NOL4: variants seen among roughly 807,000 people sequenced by gnomAD.
NOL4 encodes cancer/testis antigen 125.
A neutral mutation model predicts 75.9 loss-of-function variants in NOL4; 17 were observed. That is an observed-to-expected ratio of 0.22 (90% confidence interval 0.15 to 0.34). The LOEUF is 0.34. NOL4 is among the 10% of genes least tolerant of loss of function. The pLI is 1.00. For synonymous variants in NOL4, 292 were observed against 289.9 expected (o/e 1.01, Z -0.07); for missense variants, 614 against 793.5 (o/e 0.77, Z 2.72).
intron 6 of NOL4, among the ~76,000 whole-genome samples, chr18:33,975,874 T>C (rs140011377): frequency 0.013 from 2,015 of 152,350 alleles, 24 homozygotes; most frequent in Non-Finnish European, 0.023. Flanking sequence ...GGTGGTCCTT[T>C]GCAGAAGGCA....
At chr18:34,044,319 T>C (rs2076268562) in intron 5 of NOL4, among the ~76,000 whole-genome samples, 1 of 152,046 alleles carries the variant, frequency 6.6e-6, no homozygotes, top group African/African-American at 2.4e-5. Context: ...TTTAACTAAT[T>C]GGATAATTAC....
chr18:34,079,936 A>G (rs1259295092), intron 5 of NOL4, among the ~76,000 whole-genome samples: 4 of 152,218 alleles, frequency 2.6e-5, no homozygotes, highest in Non-Finnish European at 5.9e-5. Flanking sequence ...GTTTCTTTCT[A>G]TACCAGACTT....
intron 1 of NOL4, among the ~76,000 whole-genome samples, chr18:34,142,780 T>C (rs1422614369): frequency 6.6e-6 from 1 of 152,076 alleles, no homozygotes; most frequent in African/African-American, 2.4e-5. Flanking sequence ...TGTATACATA[T>C]GTAACAAACC....
intron 5 of NOL4, among the ~76,000 whole-genome samples, chr18:34,074,155 G>A (rs1204520825): frequency 6.6e-6 from 1 of 151,570 alleles, no homozygotes; most frequent in Non-Finnish European, 1.5e-5. Flanking sequence ...CATATTTTTG[G>A]AATATTTTGG....
intron 1 of NOL4, among the ~76,000 whole-genome samples, chr18:34,130,725 T>G (rs908262606): frequency 1.3e-5 from 2 of 152,120 alleles, no homozygotes; most frequent in African/African-American, 4.8e-5. Flanking sequence ...ATTTAAAGGA[T>G]GTAATCCAAT....
chr18:33,863,289 G>C (rs2063264256), intron 10 of NOL4, among the ~76,000 whole-genome samples: 1 of 151,996 alleles, frequency 6.6e-6, no homozygotes, highest in Admixed American at 6.5e-5. Context: ...GGGAAGGGGG[G>C]AGGGATAGCA....
At chr18:33,967,442 C>A (rs1467661541) in intron 6 of NOL4, among the ~76,000 whole-genome samples, 1 of 152,082 alleles carries the variant, frequency 6.6e-6, no homozygotes. Flanking sequence ...TCAAAAGCAA[C>A]TGCAACAAAA....
intron 5 of NOL4, among the ~76,000 whole-genome samples, chr18:34,063,813 T>C (rs2077159234): frequency 6.6e-6 from 1 of 152,074 alleles, no homozygotes; most frequent in South Asian, 2.1e-4. Context: ...ATATATAAAC[T>C]ATATCAGTAG....
chr18:34,210,302 G>A (rs982614536), intron 1 of NOL4, among the ~76,000 whole-genome samples: 19 of 152,128 alleles, frequency 1.2e-4, no homozygotes, highest in Non-Finnish European at 2.2e-4. Context: ...GTAATTACTT[G>A]TAAAGCAATC....
intron 8 of NOL4, among the ~76,000 whole-genome samples, chr18:33,947,177 T>C (rs2068893850): frequency 6.6e-6 from 1 of 151,856 alleles, no homozygotes; most frequent in Non-Finnish European, 1.5e-5. Flanking sequence ...TTAATAAATT[T>C]TTCTCATTAT....
intron 1 of NOL4, among the ~76,000 whole-genome samples, chr18:34,174,611 G>C (rs1400172190): frequency 6.6e-6 from 1 of 151,838 alleles, no homozygotes; most frequent in East Asian, 1.9e-4. Flanking sequence ...AGATGCCATG[G>C]TGGTTTGCTG....
chr18:34,099,685 T>A (rs2078954563), intron 4 of NOL4, among the ~76,000 whole-genome samples: 1 of 152,046 alleles, frequency 6.6e-6, no homozygotes, highest in Non-Finnish European at 1.5e-5. Context: ...ATTCTAACCC[T>A]CTAACCCTTT....
At chr18:34,207,564 A>G (rs377014067) in intron 1 of NOL4, among the ~76,000 whole-genome samples, 4 of 152,350 alleles carry the variant, frequency 2.6e-5, no homozygotes, top group East Asian at 3.9e-4. Flanking sequence ...TATATTCTGC[A>G]CATTCTTAGC....
chr18:34,146,261 A>G (rs1194253274), intron 1 of NOL4, among the ~76,000 whole-genome samples: 1 of 151,356 alleles, frequency 6.6e-6, no homozygotes, highest in Admixed American at 6.6e-5. Flanking sequence ...TAAACAGTTT[A>G]TATAGTAGCT....
chr18:33,870,153 C>T (rs1033658113), intron 10 of NOL4, among the ~76,000 whole-genome samples: 3 of 152,076 alleles, frequency 2.0e-5, no homozygotes, highest in Non-Finnish European at 4.4e-5. Flanking sequence ...AGCATTACCT[C>T]ACCTAGTTAT....
chr18:34,144,136 TA>T (rs2081304758), intron 1 of NOL4, among the ~76,000 whole-genome samples: 1 of 152,156 alleles, frequency 6.6e-6, no homozygotes, highest in Non-Finnish European at 1.5e-5. Flanking sequence ...CTACACTATA[TA>T]AAAATAATTA....
chr18:34,046,339 AC>A (rs571107439), intron 5 of NOL4, among the ~76,000 whole-genome samples: 72 of 151,932 alleles, frequency 4.7e-4, no homozygotes, highest in African/African-American at 1.6e-3. Context: ...ACCAAGCAAT[AC>A]CTTAGAAGAG....
At chr18:33,887,557 C>T (rs573352292) in intron 9 of NOL4, among the ~76,000 whole-genome samples, 1 of 151,846 alleles carries the variant, frequency 6.6e-6, no homozygotes, top group Non-Finnish European at 1.5e-5. Context: ...TCTCCTAATG[C>T]TATCCCTCCC....
intron 2 of NOL4, among the ~76,000 whole-genome samples, chr18:34,117,079 C>T (rs557872115): frequency 6.6e-6 from 1 of 152,302 alleles, no homozygotes; most frequent in South Asian, 2.1e-4. Flanking sequence ...ACGAAAATGT[C>T]ACCAAGCAAT....
Sources: gnomAD v4.1 joint callset for allele counts (sites outside exome capture counted in the v4.1 genomes callset) on GRCh38, gnomAD v4.1.1 for gene constraint, MANE v1.5 for transcripts, NCBI Gene and HGNC (gene_info 2026-07-23, HGNC 2026-07-21) for gene names.